The following NUS1 variants were observed in gnomAD, a reference collection of about 807,000 sequenced individuals.
NUS1 encodes dehydrodolichyl diphosphate synthase complex subunit NUS1.
For synonymous variants in NUS1, 135 were observed against 155.2 expected (o/e 0.87, Z 0.97); for missense variants, 292 against 382.9 (o/e 0.76, Z 1.98).
intron 3 of NUS1, among the ~76,000 whole-genome samples, chr6:117,701,040 A>G (rs1272203013): frequency 2.7e-5 from 4 of 146,962 alleles, no homozygotes; most frequent in Non-Finnish European, 4.5e-5. Context: ...TTTTTTTTTC[A>G]AAGTTGTTGT....
At chr6:117,680,597 G>A (rs960603446) in intron 1 of NUS1, among the ~76,000 whole-genome samples, 5 of 152,194 alleles carry the variant, frequency 3.3e-5, no homozygotes, top group African/African-American at 1.2e-4. Context: ...GAGGGAACTG[G>A]GACCTGGGCG....
chr6:117,688,433 G>A (rs1773169731), intron 1 of NUS1, among the ~76,000 whole-genome samples: 1 of 145,300 alleles, frequency 6.9e-6, no homozygotes, highest in South Asian at 2.2e-4. Context: ...TAGAAATAGA[G>A]CGTCAAGAAG....
At chr6:117,704,024 G>C (rs971357842) in intron 4 of NUS1, among the ~76,000 whole-genome samples, 1 of 152,070 alleles carries the variant, frequency 6.6e-6, no homozygotes, top group Non-Finnish European at 1.5e-5. Flanking sequence ...CGAGAAGGGG[G>C]GAAAAAGAAA....
intron 3 of NUS1, among the ~76,000 whole-genome samples, chr6:117,703,186 C>T (rs775208116): frequency 1.8e-4 from 27 of 152,142 alleles, no homozygotes; most frequent in Non-Finnish European, 3.8e-4. Flanking sequence ...ATTTCCTTTT[C>T]GTCTCTGAAG....
At chr6:117,706,838 A>T in intron 4 of NUS1, 87 bp from the exon 5 acceptor site, 2 of 1,025,048 alleles carry the variant, frequency 2.0e-6, no homozygotes, top group Non-Finnish European at 3.1e-6. Flanking sequence ...TTCTATTCTT[A>T]ACTTCTTTTT....
chr6:117,680,611 C>G (rs1023295476), intron 1 of NUS1, among the ~76,000 whole-genome samples: 2 of 152,220 alleles, frequency 1.3e-5, no homozygotes, highest in Non-Finnish European at 2.9e-5. Flanking sequence ...CTGGGCGTCT[C>G]TGTTTTTATC....
chr6:117,694,498 C>A (rs1582471845), intron 3 of NUS1, among the ~76,000 whole-genome samples: 3 of 152,056 alleles, frequency 2.0e-5, no homozygotes, highest in Admixed American at 2.0e-4. Flanking sequence ...TCTCCCTCTT[C>A]CCCTTTCTTT....
chr6:117,677,532 T>C (rs751123840), intron 1 of NUS1, among the ~76,000 whole-genome samples: 2 of 152,242 alleles, frequency 1.3e-5, no homozygotes, highest in Non-Finnish European at 2.9e-5. Context: ...ATAAATTACC[T>C]GTGTGCTCTA....
At position 117,709,647 on chromosome 6, in the gene NUS1, C is replaced by T. The variant is rs1773548829; in HGVS notation, c.*2632C>T. On this transcript the variant is annotated 3_prime_UTR_variant, in exon 5 of 5. Transcript: ENST00000368494. ...CCTCCTCCTGTGTGATGGTACCATG[C>T]ATAGAGTCAATCAAATCCTTGTGAT... The T allele has an allele frequency of 6.6e-6, 1 of 152,082 alleles. No homozygotes were observed. The highest frequency in any genetic ancestry group is 2.4e-5 in the African/African-American group (1 of 41,252). 9.4% of individuals were successfully genotyped at this position (152,082 alleles called of 1,614,324 possible). A position where few individuals can be genotyped will look rare whatever the true frequency, so the allele number is the denominator to read the frequency against.
chr6:117,682,122 G>T (rs568248176), intron 1 of NUS1, among the ~76,000 whole-genome samples: 2 of 152,104 alleles, frequency 1.3e-5, no homozygotes, highest in African/African-American at 4.8e-5. Context: ...GTGAGCCACC[G>T]TGCCCAGCTT....
intron 1 of NUS1, among the ~76,000 whole-genome samples, chr6:117,686,088 C>T (rs1007436684): frequency 8.6e-5 from 13 of 151,734 alleles, no homozygotes; most frequent in Non-Finnish European, 1.3e-4. Context: ...GGTGAAACCC[C>T]GTCTCTACTA....
intron 1 of NUS1, among the ~76,000 whole-genome samples, chr6:117,689,000 G>C (rs1773179145): frequency 6.6e-6 from 1 of 152,120 alleles, no homozygotes; most frequent in Non-Finnish European, 1.5e-5. Flanking sequence ...AGAAAGAGAG[G>C]GCTGAGACGG....
rs151053476 is a variant in NUS1 at position 117,699,819 on chromosome 6, T to TAGACAATCTAG, written c.692-3768_692-3758dup. On this transcript the variant is annotated intron_variant, in intron 3 of 4. Transcript: ENST00000368494. ...CTGGCATAAAAACAGACACAGAGAA[T>TAGACAATCTAG]AGACAATCTAGAGACAATCTAGAGA... Among the ~76,000 whole-genome samples the TAGACAATCTAG allele has an allele frequency of 1.7e-3, 263 of 152,060 alleles. 1 individual carries two copies. In the East Asian group the frequency reaches 0.036, roughly 21 times the overall value.
chr6:117,678,300 A>G (rs1562173908), intron 1 of NUS1, among the ~76,000 whole-genome samples: 1 of 152,160 alleles, frequency 6.6e-6, no homozygotes, highest in Admixed American at 6.5e-5. Context: ...AGAGACCTTC[A>G]ATTAGTCCAT....
chr6:117,685,732 A>C (rs1266564402), intron 1 of NUS1, among the ~76,000 whole-genome samples: 1 of 152,212 alleles, frequency 6.6e-6, no homozygotes, highest in Non-Finnish European at 1.5e-5. Context: ...TTAAAGCAAC[A>C]AAACATAAAG....
chr6:117,697,658 G>A (rs1382798497), intron 3 of NUS1, among the ~76,000 whole-genome samples: 2 of 151,708 alleles, frequency 1.3e-5, no homozygotes, highest in African/African-American at 4.8e-5. Flanking sequence ...GATATATAAA[G>A]CCAATATTAA....
chr6:117,693,247 CATTT>C, intron 2 of NUS1, 80 bp downstream of exon 2: 5 of 1,351,536 alleles, frequency 3.7e-6, no homozygotes, highest in Admixed American at 3.8e-5. Flanking sequence ...GTTACTCTGT[CATTT>C]ATTCATTCAC....
At chr6:117,676,974 G>T (rs1772993002) in intron 1 of NUS1, among the ~76,000 whole-genome samples, 1 of 152,170 alleles carries the variant, frequency 6.6e-6, no homozygotes. Context: ...AAAGAAAATG[G>T]TCCCTTTCTG....
chr6:117,706,556 T>C (rs1297555844), intron 4 of NUS1, among the ~76,000 whole-genome samples: 1 of 152,250 alleles, frequency 6.6e-6, no homozygotes, highest in Non-Finnish European at 1.5e-5. Context: ...TTGTGTGTCC[T>C]TGTCATCTCA....
Sources: gnomAD v4.1 joint callset for allele counts (sites outside exome capture counted in the v4.1 genomes callset) on GRCh38, gnomAD v4.1.1 for gene constraint, MANE v1.5 for transcripts, NCBI Gene and HGNC (gene_info 2026-07-23, HGNC 2026-07-21) for gene names.